The following FREM1 variants were observed in gnomAD, a reference collection of about 807,000 sequenced individuals.
The protein encoded by FREM1 is FRAS1 related extracellular matrix 1, also known as FRAS1-related extracellular matrix protein 1.
In FREM1, 220 loss-of-function variants were observed where a neutral mutation model predicts 210.1. The observed-to-expected ratio is 1.05, with a 90% CI of 0.94 to 1.17. The LOEUF is 1.17. FREM1 is among the 50% of genes most tolerant of loss of function. FREM1 has a pLI of 0.00. For synonymous variants in FREM1, 1,189 were observed against 980.2 expected (o/e 1.21, Z -3.98); for missense variants, 3,454 against 2,675.5 (o/e 1.29, Z -6.42).
intron 10 of FREM1, among the ~76,000 whole-genome samples, chr9:14,825,488 CA>C (rs137921355): frequency 0.092 from 6,371 of 68,888 alleles, 331 homozygotes; most frequent in African/African-American, 0.24. Flanking sequence ...GACTCCATTT[CA>C]AAAAAAAAAA....
At chr9:14,880,059 T>C (rs1373561842) in intron 1 of FREM1, among the ~76,000 whole-genome samples, 1 of 152,046 alleles carries the variant, frequency 6.6e-6, no homozygotes, top group Non-Finnish European at 1.5e-5. Flanking sequence ...AGAGTCCTCA[T>C]GATGGGATTC....
rs755234370 is a variant in FREM1 at position 14,901,859 on chromosome 9, AT to A, written c.-268+8054del. Among the ~76,000 whole-genome samples the A allele has an allele frequency of 1.1e-3, 172 of 151,920 alleles. 1 individual carries two copies. Among genetic ancestry groups the A allele is most frequent in the Middle Eastern group, 3.4e-3 (1 of 294 alleles). On this transcript the variant is annotated intron_variant, in intron 1 of 36. Transcript: ENST00000380880. Reference sequence around the variant, plus strand: ...GGGGTTGTGAAGATAGTTTTTATGTATTTTTTTTAAGAGATGGGGTCTCACG... The same window carrying A: ...GGGGTTGTGAAGATAGTTTTTATGTATTTTTTTAAGAGATGGGGTCTCACG...
rs763047383 is a variant in FREM1, at chr9:14,797,569, C to G, written c.3768G>C (p.Gly1256=). Residue 1256 remains glycine, a synonymous_variant, in exon 21 of 37, where the codon GGG becomes GGC. Coordinates refer to ENST00000380880, the MANE Select transcript of FREM1 (RefSeq NM_001379081.2). ...AAATGGTTTTAAGTATCTTATGTTT[C>G]CCATCTGACAATTGGATTGTAAAAT... ...ADDFTIQLSD[G]KHKILKTISV... 4.3e-6 allele frequency: 7 copies of G among 1,612,444 alleles called. No individual in the cohort carries two copies. Among genetic ancestry groups the G allele is most frequent in the Non-Finnish European group, 5.9e-6 (7 of 1,178,694 alleles).
At chr9:14,740,292 C>A in intron 35 of FREM1, 58 bp from the exon 36 acceptor site, 6 of 1,199,096 alleles carry the variant, frequency 5.0e-6, no homozygotes, top group East Asian at 2.4e-5. Context: ...TCTGCTGATA[C>A]GAAATGCATA....
rs1334075992 is a variant in FREM1 at position 14,866,625 on chromosome 9, G to C, written c.234+2119C>G. 2.0e-5 allele frequency among the ~76,000 whole-genome samples: 3 copies of C among 152,178 alleles called. No homozygotes were observed. In the South Asian group the frequency reaches 6.2e-4, roughly 31 times the overall value. ...GACAGCTTGCTCCTGCGAGCTACCAGTGGGAATTTTCCTTCTTCTCTTTTT... is the reference window on the plus strand; with the variant it reads ...GACAGCTTGCTCCTGCGAGCTACCACTGGGAATTTTCCTTCTTCTCTTTTT... On this transcript the variant is annotated intron_variant, in intron 2 of 36. Transcript: ENST00000380880.
chr9:14,784,286 A>G lies in FREM1; in HGVS notation c.4442+84T>C, dbSNP rs1850068334. On this transcript the variant is annotated intron_variant, in intron 24 of 36. Transcript: ENST00000380880. Reference sequence around the variant, plus strand: ...GATACATGTATTTTGTGAAATGGTTACTATAGTGAAGCACATTAACAGATC... The same window carrying G: ...GATACATGTATTTTGTGAAATGGTTGCTATAGTGAAGCACATTAACAGATC... 8.2e-6 allele frequency: 10 copies of G among 1,220,320 alleles called. 1 individual carries two copies. The South Asian group carries it at 1.3e-4, about 16-fold the overall frequency. The allele number at this position is 1,220,320 out of a possible 1,614,324, so 75.6% of individuals were successfully genotyped here. A position where few individuals can be genotyped will look rare whatever the true frequency, so the allele number is the denominator to read the frequency against.
At position 14,836,175 on chromosome 9, in the gene FREM1, A is replaced by G. The variant is rs538524588; in HGVS notation, c.1881+5272T>C. ...TTGGCAAGTAAAATTTTAGATGGAA[A>G]TTATCTACCACACCACACTTGTGGG... On this transcript the variant is annotated intron_variant, in intron 10 of 36. Transcript: ENST00000380880. This position sits in a 1 kb window ranked among gnomAD's most constrained non-coding sequence, Gnocchi z 4.9. 3.9e-5 allele frequency among the ~76,000 whole-genome samples: 6 copies of G among 152,356 alleles called. No individual in the cohort carries two copies. The highest frequency in any genetic ancestry group is 3.4e-3 in the Middle Eastern group (1 of 294).
chr9:14,879,098 A>C (rs994933066), intron 1 of FREM1, among the ~76,000 whole-genome samples: 1 of 151,468 alleles, frequency 6.6e-6, no homozygotes, highest in Non-Finnish European at 1.5e-5. Flanking sequence ...CGGAGGTTGC[A>C]GTAAGCCAAG....
intron 25 of FREM1, among the ~76,000 whole-genome samples, chr9:14,772,824 C>T (rs10123818): frequency 0.84 from 127,976 of 152,132 alleles, 53,934 homozygotes; most frequent in Middle Eastern, 0.87. Context: ...ATAAGAAATA[C>T]CCAGAGTTGA....
At chr9:14,747,752 A>T in intron 31 of FREM1, 24 bp from the exon 32 acceptor site, 1 of 1,474,614 alleles carries the variant, frequency 6.8e-7, no homozygotes, top group Non-Finnish European at 9.2e-7. Flanking sequence ...AGAACAAAAT[A>T]TGAACAGAAT....
intron 28 of FREM1, 109 bp downstream of exon 28, chr9:14,759,663 A>T: frequency 9.7e-7 from 1 of 1,035,218 alleles, no homozygotes; most frequent in South Asian, 2.0e-5. Context: ...ATCTCCCTGC[A>T]ATTTGAAATT....
rs1274067810 is a variant in FREM1, at chr9:14,908,155, G to A, written c.-268+1759C>T. Among the ~76,000 whole-genome samples, 5 of 152,136 alleles carry A rather than the reference G, an allele frequency of 3.3e-5. No individual in the cohort carries two copies. In the East Asian group the frequency reaches 9.6e-4, roughly 29 times the overall value. The stretch of plus-strand genomic sequence containing the variant: ...TAAACGCCAGAAAATGCAAGGATGG[G>A]GATGGAAGCTGAGCTCTGACTTTCA... On this transcript the variant is annotated intron_variant, in intron 1 of 36. Transcript: ENST00000380880.
chr9:14,881,024 C>A (rs1245935995), intron 1 of FREM1, among the ~76,000 whole-genome samples: 2 of 152,172 alleles, frequency 1.3e-5, no homozygotes, highest in Non-Finnish European at 2.9e-5. Context: ...TACAAAGGCA[C>A]CGGTGGGATT....
At chr9:14,791,665 T>C (rs1449371417) in intron 22 of FREM1, among the ~76,000 whole-genome samples, 1 of 152,152 alleles carries the variant, frequency 6.6e-6, no homozygotes, top group African/African-American at 2.4e-5. Context: ...TACAGAACAA[T>C]TTGGCATATT....
intron 10 of FREM1, among the ~76,000 whole-genome samples, chr9:14,832,871 T>A (rs1823833121): frequency 6.6e-6 from 1 of 152,170 alleles, no homozygotes; most frequent in Non-Finnish European, 1.5e-5. Context: ...TCTTGTATGC[T>A]TTGCGTGTCT....
chr9:14,860,904 C>CATATATACATATATACGTATAT (rs1419382535), intron 3 of FREM1, among the ~76,000 whole-genome samples: 1 of 74,200 alleles, frequency 1.3e-5, no homozygotes, highest in African/African-American at 9.9e-5. Context: ...CATATATACA[C>CATATATACATATATACGTATAT]ATATACACAT....
chr9:14,791,811 C>G (rs1415360500), intron 22 of FREM1, among the ~76,000 whole-genome samples: 1 of 132,156 alleles, frequency 7.6e-6, no homozygotes, highest in Non-Finnish European at 1.7e-5. Flanking sequence ...TGATAATACT[C>G]AGATAATGGT....
chr9:14,841,186 A>C (rs1220255884), intron 10 of FREM1, among the ~76,000 whole-genome samples: 1 of 152,204 alleles, frequency 6.6e-6, no homozygotes, highest in Non-Finnish European at 1.5e-5. Context: ...GAGACAAGCA[A>C]ATTTTGTGAG....
rs946938207 is a variant in FREM1 at position 14,737,305 on chromosome 9, T to G, written c.*91A>C. 2 of 926,036 alleles carry G rather than the reference T, an allele frequency of 2.2e-6. No homozygotes were observed. The highest frequency in any genetic ancestry group is 1.6e-6 in the Non-Finnish European group (1 of 611,628). 57.4% of individuals were successfully genotyped at this position (926,036 alleles called of 1,614,324 possible). On this transcript the variant is annotated 3_prime_UTR_variant, in exon 37 of 37. Transcript: ENST00000380880. The stretch of plus-strand genomic sequence containing the variant: ...TCACAAAGGTATACCCACTCAATCA[T>G]AACAATTTGTTTTCTATGGAGCAAT...
Sources: allele counts gnomAD v4.1 joint callset (sites outside exome capture counted in the v4.1 genomes callset), GRCh38; gene constraint gnomAD v4.1.1; non-coding constraint Gnocchi (gnomAD v3.1); transcripts MANE v1.5; gene names NCBI Gene and HGNC (gene_info 2026-07-23, HGNC 2026-07-21).